RNF145: variants seen among roughly 807,000 people sequenced by gnomAD.
RNF145 encodes the protein ring finger protein 145.
RNF145 carries 12 observed loss-of-function variants against 57.3 expected under a neutral mutation model. The observed-to-expected ratio is 0.21, with a 90% CI of 0.13 to 0.34. The LOEUF (loss-of-function observed/expected upper bound fraction) is 0.34, where lower values mean the gene tolerates loss of function less well. RNF145 is among the 10% of genes least tolerant of loss of function. The pLI is 1.00. For missense variants in RNF145, 429 were observed against 799.0 expected (o/e 0.54, Z 5.58); for synonymous variants, 262 against 288.3 (o/e 0.91, Z 0.92).
chr5:159,208,246 TAA>T, intron 1 of RNF145: 1 of 945,094 alleles, frequency 1.1e-6, no homozygotes, highest in South Asian at 2.0e-5. Flanking sequence ...GCCGCGGGGC[TAA>T]GAGATTACGT....
At chr5:159,203,714 A>T in intron 1 of RNF145, 58 bp from the exon 2 acceptor site, 1 of 1,140,642 alleles carries the variant, frequency 8.8e-7, no homozygotes, top group Non-Finnish European at 1.2e-6. Context: ...TCGCTTTTAG[A>T]TACCCTTTCA....
intron 1 of RNF145, chr5:159,207,896 T>G: frequency 6.2e-7 from 1 of 1,613,208 alleles, no homozygotes; most frequent in Non-Finnish European, 8.5e-7. Context: ...ACCTCTGCCA[T>G]CGGCCGCTCA....
At chr5:159,208,200 C>CGCAGCAGCAGTA (rs1442221026) in intron 1 of RNF145, 30 of 1,332,262 alleles carry the variant, frequency 2.3e-5, no homozygotes, top group African/African-American at 3.0e-5. Context: ...AAGCAGGCAG[C>CGCAGCAGCAGTA]GCAGCAGCAG....
upstream of RNF145, chr5:159,209,840 C>T (rs1786051610): frequency 1.3e-6 from 2 of 1,535,740 alleles, no homozygotes; most frequent in African/African-American, 1.4e-5. Flanking sequence ...CAAGCGCTCA[C>T]ACCCACACTC....
intron 5 of RNF145, 79 bp from the exon 6 acceptor site, chr5:159,174,237 T>C: frequency 1.1e-6 from 1 of 919,778 alleles, no homozygotes; most frequent in Non-Finnish European, 1.6e-6. Context: ...AAATCAGAAG[T>C]AAAATATTAA....
intron 3 of RNF145, among the ~76,000 whole-genome samples, chr5:159,186,426 GAAC>G (rs1267512091): frequency 6.6e-6 from 1 of 152,108 alleles, no homozygotes; most frequent in African/African-American, 2.4e-5. Context: ...GACAACCTAG[GAAC>G]AACTTGTACA....
In RNF145 at chr5:159,209,346, G is replaced by A; in HGVS notation, c.-155C>T. On this transcript the variant is annotated 5_prime_UTR_variant, in exon 1 of 11. Coordinates refer to ENST00000424310, the MANE Select transcript of RNF145 (RefSeq NM_001199383.2). The stretch of plus-strand genomic sequence containing the variant: ...CTCGGGCGGCGGCGGGGGCCGGTAC[G>A]GCACGGCTCACAGCGGCGGCTCTTC... The A allele has an allele frequency of 6.1e-6, 6 of 985,872 alleles. No homozygotes were observed. Among genetic ancestry groups the A allele is most frequent in the Non-Finnish European group, 4.8e-6 (4 of 830,002 alleles). 61.1% of individuals were successfully genotyped at this position (985,872 alleles called of 1,614,324 possible).
intron 8 of RNF145, 137 bp downstream of exon 8, chr5:159,168,736 T>C (rs981198519): frequency 4.2e-6 from 2 of 475,268 alleles, no homozygotes; most frequent in Non-Finnish European, 7.1e-6. Flanking sequence ...AAACATAAAC[T>C]TGTTGAATTA....
intron 10 of RNF145, among the ~76,000 whole-genome samples, chr5:159,160,681 C>T (rs1218749662): frequency 2.0e-5 from 3 of 152,152 alleles, no homozygotes; most frequent in African/African-American, 4.8e-5. Context: ...TAATAGAAGA[C>T]AATCATCAGG....
upstream of RNF145, chr5:159,209,762 C>G (rs986330582): frequency 7.6e-7 from 1 of 1,320,344 alleles, no homozygotes; most frequent in Non-Finnish European, 1.1e-6. Context: ...GCAGAGACAC[C>G]TGGACGCGCA....
intron 3 of RNF145, among the ~76,000 whole-genome samples, chr5:159,182,634 A>T (rs763357257): frequency 6.6e-6 from 1 of 152,180 alleles, no homozygotes; most frequent in Non-Finnish European, 1.5e-5. Context: ...AGCAAATTTT[A>T]CATCAAACAA....
intron 2 of RNF145, among the ~76,000 whole-genome samples, chr5:159,197,156 T>G (rs1440692864): frequency 6.6e-6 from 1 of 152,226 alleles, no homozygotes; most frequent in Non-Finnish European, 1.5e-5. Context: ...GTTAAGTGAT[T>G]AAGCTTGACT....
At chr5:159,188,087 A>C (rs1042101537) in intron 3 of RNF145, among the ~76,000 whole-genome samples, 7 of 152,172 alleles carry the variant, frequency 4.6e-5, no homozygotes, top group African/African-American at 1.4e-4. Context: ...AAAACAAGGA[A>C]TTTAAGAACA....
intron 3 of RNF145, among the ~76,000 whole-genome samples, chr5:159,187,949 G>C (rs561104091): frequency 6.6e-6 from 1 of 152,144 alleles, no homozygotes; most frequent in Non-Finnish European, 1.5e-5. Flanking sequence ...ATTTGAAACC[G>C]TACTTACACA....
intron 8 of RNF145, among the ~76,000 whole-genome samples, chr5:159,168,027 G>A (rs1483256881): frequency 6.6e-6 from 1 of 151,870 alleles, no homozygotes; most frequent in Non-Finnish European, 1.5e-5. Flanking sequence ...TGCAGATAGA[G>A]AACTAGAAAA....
At chr5:159,168,732 A>G (rs1305143345) in intron 8 of RNF145, 141 bp downstream of exon 8, 7 of 467,624 alleles carry the variant, frequency 1.5e-5, no homozygotes, top group Non-Finnish European at 2.5e-5. Context: ...ATAAAAACAT[A>G]AACTTGTTGA....
chr5:159,203,095 TACTACCAA>T (rs1785729263), intron 2 of RNF145, among the ~76,000 whole-genome samples: 8 of 152,174 alleles, frequency 5.3e-5, no homozygotes, highest in Admixed American at 5.2e-4. Context: ...CTTTCTGAAT[TACTACCAA>T]ACCCCAAAAC....
In RNF145 at chr5:159,158,250, T is replaced by TC. The variant is rs1235598049; in HGVS notation, c.*419dup. 1 of 207,858 alleles carries TC rather than the reference T, an allele frequency of 4.8e-6. No individual in the cohort carries two copies. Among genetic ancestry groups the TC allele is most frequent in the Non-Finnish European group, 9.9e-6 (1 of 100,934 alleles). The allele number at this position is 207,858 out of a possible 1,614,324, so 12.9% of individuals were successfully genotyped here. The stretch of plus-strand genomic sequence containing the variant: ...CAGACTTGATAATGAGATTGATCTG[T>TC]CCCATGGAGAGTGAAAGTTCAGTTC... On this transcript the variant is annotated 3_prime_UTR_variant, in exon 11 of 11. Transcript: ENST00000424310.
intron 3 of RNF145, among the ~76,000 whole-genome samples, chr5:159,191,110 CAT>C: frequency 6.7e-6 from 1 of 150,366 alleles, no homozygotes; most frequent in African/African-American, 2.4e-5. Flanking sequence ...AAAAATATCT[CAT>C]GTTTTAAGAA....
Sources: allele counts gnomAD v4.1 joint callset (sites outside exome capture counted in the v4.1 genomes callset), GRCh38; gene constraint gnomAD v4.1.1; transcripts MANE v1.5; gene names NCBI Gene and HGNC (gene_info 2026-07-23, HGNC 2026-07-21).